The following TST variants were observed in gnomAD, a reference collection of about 807,000 sequenced individuals.
TST encodes the protein epididymis secretory sperm binding protein.
A neutral mutation model predicts 20.4 loss-of-function variants in TST; 22 were observed. The ratio of observed to expected loss-of-function variants is 1.08; its 90% CI spans 0.77 to 1.54. The LOEUF (loss-of-function observed/expected upper bound fraction) is 1.54. TST is among the 40% of genes most tolerant of loss of function. The pLI, the probability that TST is intolerant of heterozygous loss-of-function variation, is 0.00. For synonymous variants in TST, 187 were observed against 173.8 expected (o/e 1.08, Z -0.60); for missense variants, 392 against 405.2 (o/e 0.97, Z 0.28).
At chr22:37,018,881 C>A in intron 1 of TST, 128 bp from the exon 2 acceptor site, 1 of 660,166 alleles carries the variant, frequency 1.5e-6, no homozygotes, top group Non-Finnish European at 2.4e-6. Flanking sequence ...TTACAGCAAG[C>A]CAGCGAGGCT....
chr22:37,019,941 G>T (rs942646518), upstream of TST: 1 of 785,742 alleles, frequency 1.3e-6, no homozygotes, highest in Non-Finnish European at 1.7e-6. Flanking sequence ...GGTGCTCGGC[G>T]CGGGGCTCCC....
Position 37,018,247 on chromosome 22 carries a change from G to C in TST, c.486C>G (p.Leu162=). The change falls in exon 2 of 3, where the codon CTC becomes CTG. Residue 162 remains leucine (L), a synonymous_variant. Coordinates refer to ENST00000249042, the MANE Select transcript of TST (RefSeq NM_003312.6). The part of the protein sequence containing the change: ...VFKATLDRSL[L]KTYEQVLENL... ...TCTCCAGCACCTGCTCGTAGGTCTTGAGCAGGGAGCGGTCCAGTGTGGCTT... is the reference window on the plus strand; with the variant it reads ...TCTCCAGCACCTGCTCGTAGGTCTTCAGCAGGGAGCGGTCCAGTGTGGCTT... The C allele has an allele frequency of 6.2e-7, 1 of 1,614,038 alleles. No individual in the cohort carries two copies. The highest frequency in any genetic ancestry group is 8.5e-7 in the Non-Finnish European group (1 of 1,180,016).
At chr22:37,012,051 C>T (rs1430601548) in intron 2 of TST, among the ~76,000 whole-genome samples, 1 of 152,220 alleles carries the variant, frequency 6.6e-6, no homozygotes, top group African/African-American at 2.4e-5. Flanking sequence ...CTCTCTGAGC[C>T]TCAGTTTCTC....
intron 2 of TST, among the ~76,000 whole-genome samples, chr22:37,015,238 T>TA (rs1922634639): frequency 1.3e-5 from 2 of 152,186 alleles, no homozygotes; most frequent in African/African-American, 4.8e-5. Context: ...AGGGCTGCTG[T>TA]AGGTGTCCAG....
At chr22:37,014,698 G>T (rs1328993767) in intron 2 of TST, among the ~76,000 whole-genome samples, 1 of 152,208 alleles carries the variant, frequency 6.6e-6, no homozygotes, top group East Asian at 1.9e-4. Flanking sequence ...CCCAACGCCT[G>T]TGTTCTTTGA....
rs1922815207 is a variant in TST, at chr22:37,018,686, A to G, written c.47T>C (p.Leu16Pro). 3.9e-6 allele frequency: 6 copies of G among 1,537,310 alleles called. No individual in the cohort carries two copies. Among genetic ancestry groups the G allele is most frequent in the African/African-American group, 1.4e-5 (1 of 72,718 alleles). Residue 16 changes from leucine to proline, a missense_variant, in exon 2 of 3, where the codon CTG (leucine) becomes CCG (proline). Coordinates refer to ENST00000249042, the MANE Select transcript of TST (RefSeq NM_003312.6). ...CTTGCCAGTCCTGATGGACTCCGCC[A>G]GCCACTTGGTGGAGACCAGCGCCCG... ...LYRALVSTKW[L>P]AESIRTGKLG... is the part of the protein sequence containing the mutation.
At chr22:37,013,138 C>CG (rs1386666647) in intron 2 of TST, 1 of 152,190 alleles carries the variant, frequency 6.6e-6, no homozygotes, top group East Asian at 1.9e-4. Flanking sequence ...GGCAGGCACA[C>CG]GATTCGGTAC....
chr22:37,019,016 C>T (rs1471309033), intron 1 of TST: 5 of 360,920 alleles, frequency 1.4e-5, no homozygotes, highest in Non-Finnish European at 2.5e-5. Flanking sequence ...CAAGTAGGGG[C>T]GCTTCCTGGG....
At chr22:37,012,271 T>G (rs1922506672) in intron 2 of TST, among the ~76,000 whole-genome samples, 1 of 151,742 alleles carries the variant, frequency 6.6e-6, no homozygotes, top group Non-Finnish European at 1.5e-5. Context: ...GGAAGCAGAG[T>G]GGAGGGACTC....
upstream of TST, chr22:37,019,829 C>G (rs1225627556): frequency 2.5e-6 from 3 of 1,203,734 alleles, no homozygotes; most frequent in African/African-American, 4.7e-5. Context: ...CGCCGCGCCG[C>G]GGGGGCCATG....
upstream of TST, chr22:37,019,856 G>C: frequency 8.2e-7 from 1 of 1,222,752 alleles, no homozygotes; most frequent in Non-Finnish European, 1.0e-6. Flanking sequence ...CCAGGAAGCC[G>C]GGAGTCCGAG....
At chr22:37,020,010 T>G, upstream of TST, 319 of 314,514 alleles carry the variant, frequency 1.0e-3, no homozygotes, top group East Asian at 2.3e-3. Context: ...GCCGCTACGT[T>G]GGCACTAAGG....
Position 37,019,067 on chromosome 22 carries a change from C to A in TST, c.-21-314G>T, listed in dbSNP as rs961035663. The A allele has an allele frequency of 4.3e-5, 11 of 256,432 alleles. No individual in the cohort carries two copies. The Admixed American group carries it at 5.5e-4, about 13-fold the overall frequency. The allele number at this position is 256,432 out of a possible 1,614,324, so 15.9% of individuals were successfully genotyped here. On this transcript the variant is annotated intron_variant, in intron 1 of 2. Coordinates refer to ENST00000249042, the MANE Select transcript of TST (RefSeq NM_003312.6). ...CTAGAAGTTACAGTACTCGATCCCGCCAGGAAAGAGCAATGAAAGCATGCC... is the reference window on the plus strand; with the variant it reads ...CTAGAAGTTACAGTACTCGATCCCGACAGGAAAGAGCAATGAAAGCATGCC...
At chr22:37,015,237 G>A (rs546974912) in intron 2 of TST, among the ~76,000 whole-genome samples, 2 of 152,226 alleles carry the variant, frequency 1.3e-5, no homozygotes, top group Non-Finnish European at 2.9e-5. Flanking sequence ...CAGGGCTGCT[G>A]TAGGTGTCCA....
chr22:37,014,482 C>G (rs576946439), intron 2 of TST, among the ~76,000 whole-genome samples: 7 of 152,380 alleles, frequency 4.6e-5, no homozygotes, highest in African/African-American at 1.4e-4. Flanking sequence ...GCTTCTGGCT[C>G]TCCCTGCCCC....
chr22:37,015,961 T>TTTTTTG (rs1922664263), intron 2 of TST, among the ~76,000 whole-genome samples: 5 of 131,394 alleles, frequency 3.8e-5, no homozygotes, highest in Non-Finnish European at 6.5e-5. Context: ...TTTTTTTTTT[T>TTTTTTG]GAGACAGAGT....
At chr22:37,015,793 C>T (rs562952690) in intron 2 of TST, among the ~76,000 whole-genome samples, 25 of 152,242 alleles carry the variant, frequency 1.6e-4, no homozygotes, top group Non-Finnish European at 3.1e-4. Flanking sequence ...GGCAGAGCCT[C>T]ATGTGCCTTT....
Position 37,018,448 on chromosome 22 carries a change from G to A in TST, c.285C>T (p.His95=). 1 of 1,613,136 alleles carries A rather than the reference G, an allele frequency of 6.2e-7. No homozygotes were observed. The highest frequency in any genetic ancestry group is 8.5e-7 in the Non-Finnish European group (1 of 1,179,904). ...VGRLGISNHT[H]VVVYDGEHLG... is the part of the protein sequence containing the mutation. Reference sequence around the variant, plus strand: ...GGTGTTCACCATCATACACCACCACGTGCGTGTGGTTGCTGATGCCCAGGC... The same window carrying A: ...GGTGTTCACCATCATACACCACCACATGCGTGTGGTTGCTGATGCCCAGGC... The change falls in exon 2 of 3, where the codon CAC becomes CAT. Residue 95 remains histidine (H), a synonymous_variant. Transcript: ENST00000249042.
chr22:37,015,208 C>T (rs1922633366), intron 2 of TST, among the ~76,000 whole-genome samples: 2 of 152,208 alleles, frequency 1.3e-5, no homozygotes, highest in Non-Finnish European at 2.9e-5. Context: ...GCCTACCTAC[C>T]CCTGCCTGCC....
Sources: gnomAD v4.1 joint callset for allele counts (sites outside exome capture counted in the v4.1 genomes callset) on GRCh38, gnomAD v4.1.1 for gene constraint, MANE v1.5 for transcripts, NCBI Gene and HGNC (gene_info 2026-07-23, HGNC 2026-07-21) for gene names.